Variants in EXOC4 observed in about 807,000 individuals in gnomAD.
EXOC4 encodes the protein exocyst complex component 4.
A neutral mutation model predicts 107.2 loss-of-function variants in EXOC4; 71 were observed. The observed-to-expected ratio is 0.66, with a 90% confidence interval of 0.55 to 0.81. The LOEUF (loss-of-function observed/expected upper bound fraction) is 0.81, where lower values mean the gene tolerates loss of function less well. Among genes scored for constraint, EXOC4 ranks in the 30% least tolerant of loss-of-function variants. The pLI is 0.00. For missense variants in EXOC4, 1,108 were observed against 1,189.6 expected (o/e 0.93, Z 1.01); for synonymous variants, 456 against 441.2 (o/e 1.03, Z -0.42).
At chr7:133,618,560 A>T (rs1328444971) in intron 9 of EXOC4, among the ~76,000 whole-genome samples, 1 of 152,188 alleles carries the variant, frequency 6.6e-6, no homozygotes, top group East Asian at 1.9e-4. Context: ...GATTGGAAAA[A>T]TTCACTACTT....
intron 10 of EXOC4, among the ~76,000 whole-genome samples, chr7:133,760,801 C>A (rs576213527): frequency 6.6e-6 from 1 of 151,794 alleles, no homozygotes; most frequent in Non-Finnish European, 1.5e-5. Flanking sequence ...TTAAAAGGGG[C>A]CTTTTATCTG....
intron 13 of EXOC4, among the ~76,000 whole-genome samples, chr7:133,931,168 T>C (rs1239216386): frequency 2.0e-5 from 3 of 152,078 alleles, no homozygotes; most frequent in African/African-American, 4.8e-5. Flanking sequence ...ATCAAGTTCT[T>C]AGATAAACTC....
At chr7:133,720,470 C>A (rs1447092788) in intron 10 of EXOC4, among the ~76,000 whole-genome samples, 1 of 152,098 alleles carries the variant, frequency 6.6e-6, no homozygotes, top group Non-Finnish European at 1.5e-5. Context: ...AACCATAATG[C>A]ACAAAACAGT....
intron 7 of EXOC4, among the ~76,000 whole-genome samples, chr7:133,404,744 G>A (rs1442293574): frequency 6.6e-6 from 1 of 152,014 alleles, no homozygotes; most frequent in African/African-American, 2.4e-5. Context: ...GAAAAGAAAA[G>A]GCTGCGTGCA....
chr7:133,766,742 A>G (rs1796145798), intron 10 of EXOC4, among the ~76,000 whole-genome samples: 1 of 152,036 alleles, frequency 6.6e-6, no homozygotes, highest in Non-Finnish European at 1.5e-5. Flanking sequence ...AGACCTAATT[A>G]GAAGTGGGTC....
At chr7:133,961,412 G>A (rs756381753) in intron 14 of EXOC4, among the ~76,000 whole-genome samples, 7 of 150,792 alleles carry the variant, frequency 4.6e-5, no homozygotes, top group African/African-American at 1.2e-4. Flanking sequence ...TCAGCCTCCC[G>A]AGAAGCTGGG....
At chr7:134,025,069 C>G (rs1795109927) in intron 17 of EXOC4, among the ~76,000 whole-genome samples, 1 of 152,226 alleles carries the variant, frequency 6.6e-6, no homozygotes, top group Admixed American at 6.5e-5. Flanking sequence ...TCCAGCCTTC[C>G]TGGCTCATCT....
chr7:133,264,916 A>G (rs949838697), intron 1 of EXOC4, among the ~76,000 whole-genome samples: 65 of 152,326 alleles, frequency 4.3e-4, no homozygotes, highest in East Asian at 1.9e-4. Flanking sequence ...CATAATAGGT[A>G]TATGGTACTG....
chr7:133,484,917 TAAA>T lies in EXOC4; in HGVS notation c.1417+4782_1417+4784del, dbSNP rs565983436. Among the ~76,000 whole-genome samples the T allele has an allele frequency of 6.1e-3, 916 of 151,356 alleles. 12 individuals are homozygous for T. The highest frequency in any genetic ancestry group is 0.021 in the African/African-American group (871 of 41,224). Reference sequence around the variant, plus strand: ...CAATATGGTGAAACCCCCTCTCTACTAAAAATACAAAAATTAGCCTGGCGTGGT... The same window carrying T: ...CAATATGGTGAAACCCCCTCTCTACTAATACAAAAATTAGCCTGGCGTGGT... On this transcript the variant is annotated intron_variant, in intron 9 of 17. Coordinates refer to ENST00000253861, the MANE Select transcript of EXOC4 (RefSeq NM_021807.4).
intron 4 of EXOC4, among the ~76,000 whole-genome samples, chr7:133,306,740 C>CTG (rs1794762292): frequency 6.6e-6 from 1 of 151,820 alleles, no homozygotes; most frequent in Non-Finnish European, 1.5e-5. Context: ...GATGTATTGA[C>CTG]TGAATGATAA....
At chr7:133,687,564 G>A (rs190193079) in intron 10 of EXOC4, among the ~76,000 whole-genome samples, 8 of 151,780 alleles carry the variant, frequency 5.3e-5, no homozygotes, top group African/African-American at 1.2e-4. Flanking sequence ...TCATTTCTTC[G>A]CTGCTATATA....
chr7:133,301,781 A>T (rs1271093710), intron 3 of EXOC4, among the ~76,000 whole-genome samples: 1 of 152,210 alleles, frequency 6.6e-6, no homozygotes, highest in African/African-American at 2.4e-5. Context: ...AACTAGAAAA[A>T]TAAAAAGATC....
intron 10 of EXOC4, among the ~76,000 whole-genome samples, chr7:133,720,544 T>C (rs1475514775): frequency 6.6e-6 from 1 of 152,148 alleles, no homozygotes; most frequent in Non-Finnish European, 1.5e-5. Context: ...AATAAAATAG[T>C]CCCTTTTGGA....
In EXOC4 at chr7:133,962,479, A is replaced by T. The variant is rs148539638; in HGVS notation, c.2206+24410A>T. ...AGGTTAAATTAATTAAAAGATGATCATTGGGGCTACATAGCTTCAGCCCGG... is the reference window on the plus strand; with the variant it reads ...AGGTTAAATTAATTAAAAGATGATCTTTGGGGCTACATAGCTTCAGCCCGG... On this transcript the variant is annotated intron_variant, in intron 14 of 17. Coordinates refer to ENST00000253861, the MANE Select transcript of EXOC4 (RefSeq NM_021807.4). Among the ~76,000 whole-genome samples the T allele has an allele frequency of 1.8e-4, 28 of 152,274 alleles. No individual in the cohort carries two copies. The East Asian group carries it at 5.2e-3, about 28-fold the overall frequency.
At chr7:133,436,941 A>G (rs4728288) in intron 7 of EXOC4, among the ~76,000 whole-genome samples, 117,543 of 151,928 alleles carry the variant, frequency 0.77, 46,109 homozygotes, top group East Asian at 0.95. Context: ...TGCCCTGTCT[A>G]TAAATTGAGG....
chr7:133,277,442 T>C (rs998752812), intron 2 of EXOC4, among the ~76,000 whole-genome samples: 3 of 152,238 alleles, frequency 2.0e-5, no homozygotes, highest in Admixed American at 2.0e-4. Context: ...GCACCAGCAG[T>C]GATTTCTGCT....
chr7:133,388,077 A>G (rs947707312), intron 7 of EXOC4, among the ~76,000 whole-genome samples: 2 of 151,830 alleles, frequency 1.3e-5, no homozygotes, highest in East Asian at 1.9e-4. Flanking sequence ...GGTGGCTTGG[A>G]CTTTGCCTTT....
intron 10 of EXOC4, among the ~76,000 whole-genome samples, chr7:133,707,942 C>T (rs1357586831): frequency 6.6e-6 from 1 of 152,088 alleles, no homozygotes; most frequent in Non-Finnish European, 1.5e-5. Flanking sequence ...AATTCTGAAA[C>T]TCTGGTTATC....
chr7:133,260,384 C>T (rs759497190), intron 1 of EXOC4, among the ~76,000 whole-genome samples: 1 of 152,034 alleles, frequency 6.6e-6, no homozygotes, highest in African/African-American at 2.4e-5. Context: ...AACAATTCTC[C>T]TGCTTCAGCC....
Sources: allele counts gnomAD v4.1 joint callset (sites outside exome capture counted in the v4.1 genomes callset), GRCh38; gene constraint gnomAD v4.1.1; transcripts MANE v1.5; gene names NCBI Gene and HGNC (gene_info 2026-07-23, HGNC 2026-07-21).